The following ARRDC5 variants were observed in gnomAD, a reference collection of about 807,000 sequenced individuals.
ARRDC5 encodes the protein arrestin domain containing 5.
ARRDC5 carries 12 observed loss-of-function variants against 13.3 expected under a neutral mutation model. That is an observed-to-expected ratio of 0.90 (90% CI 0.58 to 1.46). ARRDC5 has a LOEUF of 1.46. Among genes scored for constraint, ARRDC5 ranks in the 40% most tolerant of loss-of-function variants. The pLI is 0.00. For missense variants in ARRDC5, 406 were observed against 418.7 expected, an observed-to-expected ratio of 0.97 and a Z score of 0.26; for synonymous variants, 181 against 173.4, an observed-to-expected ratio of 1.04 and a Z score of -0.34.
In ARRDC5 at chr19:4,890,887, AG is replaced by A; in HGVS notation, c.*158del. The A allele has an allele frequency of 1.6e-6, 1 of 624,280 alleles. No individual in the cohort carries two copies. The highest frequency in any genetic ancestry group is 2.8e-6 in the Non-Finnish European group (1 of 358,426). The allele number at this position is 624,280 out of a possible 1,614,324, so 38.7% of individuals were successfully genotyped here. ...ATTCCAGGCATTCAGTGATAGTTCT[AG>A]GGAGGGGAGACACAGATACCTAAAC... On this transcript the variant is annotated 3_prime_UTR_variant, in exon 3 of 3. Transcript: ENST00000650722.
chr19:4,909,304 C>A, the ARRDC5 span: 1 of 546,580 alleles, frequency 1.8e-6, no homozygotes, highest in Non-Finnish European at 3.2e-6. Flanking sequence ...GCTGGGCGCG[C>A]CCAGCAGAGC....
At chr19:4,907,987 C>T in the ARRDC5 span, among the ~76,000 whole-genome samples, 1 of 152,146 alleles carries the variant, frequency 6.6e-6, no homozygotes, top group Non-Finnish European at 1.5e-5. Flanking sequence ...GCTGGGATTA[C>T]AGGTGTGAGC....
chr19:4,898,680 T>TTTTTTTTTTTA (rs2031813144), intron 1 of ARRDC5, among the ~76,000 whole-genome samples: 2 of 144,144 alleles, frequency 1.4e-5, no homozygotes, highest in African/African-American at 2.5e-5. Flanking sequence ...TTTTTTTTTT[T>TTTTTTTTTTTA]GAGACAGGGT....
chr19:4,911,682 C>T, the ARRDC5 span, among the ~76,000 whole-genome samples: 3 of 152,156 alleles, frequency 2.0e-5, no homozygotes, highest in South Asian at 6.2e-4. Flanking sequence ...AAATGTCCCC[C>T]TTTGATTTCA....
the ARRDC5 span, among the ~76,000 whole-genome samples, chr19:4,914,406 T>G: frequency 6.6e-6 from 1 of 152,070 alleles, no homozygotes; most frequent in Non-Finnish European, 1.5e-5. Context: ...TCTTTTTTTT[T>G]CCCTGTTTAA....
chr19:4,902,792 GCAGCA>G lies in ARRDC5; in HGVS notation c.29_33del (p.Val10AlafsTer4). On this transcript the variant is annotated frameshift_variant, in exon 1 of 3. Coordinates refer to ENST00000650722, the MANE Select transcript of ARRDC5 (RefSeq NM_001080523.3). LOFTEE classifies it high-confidence loss of function. ...CCAGCCAGGTAGATTCTATCCTCGG[GCAGCA>G]CTAATTCGATCGACTTCACCACAGA... 6.2e-7 allele frequency: 1 copy of G among 1,613,912 alleles called. No homozygotes were observed. Among genetic ancestry groups the G allele is most frequent in the Non-Finnish European group, 8.5e-7 (1 of 1,179,876 alleles).
At chr19:4,909,532 G>A in the ARRDC5 span, 1 of 659,308 alleles carries the variant, frequency 1.5e-6, no homozygotes, top group Non-Finnish European at 2.7e-6. Context: ...GGCAGCGTTT[G>A]CCGAGCGGGC....
the ARRDC5 span, among the ~76,000 whole-genome samples, chr19:4,914,848 A>G: frequency 1.1e-4 from 17 of 152,186 alleles, no homozygotes; most frequent in African/African-American, 3.9e-4. Flanking sequence ...TGCGAATTCA[A>G]TGAGGTTGTG....
At chr19:4,916,403 C>A in the ARRDC5 span, among the ~76,000 whole-genome samples, 2 of 152,006 alleles carry the variant, frequency 1.3e-5, no homozygotes, top group Non-Finnish European at 2.9e-5. Flanking sequence ...GCGGAGCCGT[C>A]CCTGGTGACG....
chr19:4,892,232 C>T (rs12973129), intron 2 of ARRDC5, among the ~76,000 whole-genome samples: 12,563 of 151,776 alleles, frequency 0.083, 645 homozygotes, highest in Middle Eastern at 0.19. Flanking sequence ...GGATTACAGG[C>T]GCACGCCACC....
At chr19:4,893,783 C>T (rs1417458670) in intron 2 of ARRDC5, among the ~76,000 whole-genome samples, 1 of 150,448 alleles carries the variant, frequency 6.6e-6, no homozygotes, top group African/African-American at 2.4e-5. Context: ...TGGCTCACCC[C>T]TGTAATCCCA....
chr19:4,891,186 T>C lies in ARRDC5; in HGVS notation c.847A>G (p.Thr283Ala), dbSNP rs763905311. 1.2e-6 allele frequency: 2 copies of C among 1,613,884 alleles called. No homozygotes were observed. The highest frequency in any genetic ancestry group is 1.7e-6 in the Non-Finnish European group (2 of 1,179,854). ...AGGGACCAGGGCAGGTGCACGGTGG[T>C]GACCAGCTCGTAGCGAGTGTGCATG... ...EIMHTRYELV[T>A]TVHLPWSLTS... Residue 283 changes from threonine to alanine, a missense_variant, in exon 3 of 3, where the codon ACC becomes GCC. Coordinates refer to ENST00000650722, the MANE Select transcript of ARRDC5 (RefSeq NM_001080523.3).
At chr19:4,915,582 G>A in the ARRDC5 span, among the ~76,000 whole-genome samples, 4 of 152,054 alleles carry the variant, frequency 2.6e-5, no homozygotes, top group East Asian at 1.9e-4. Context: ...ACGTGGTGGC[G>A]CATGTCTGTA....
At chr19:4,900,696 G>A (rs1306728208) in intron 1 of ARRDC5, among the ~76,000 whole-genome samples, 2 of 152,080 alleles carry the variant, frequency 1.3e-5, no homozygotes, top group African/African-American at 2.4e-5. Flanking sequence ...GTACTCCTCT[G>A]GTGGAACAGA....
chr19:4,904,454 C>T (rs1366625822), upstream of ARRDC5, among the ~76,000 whole-genome samples: 4 of 152,188 alleles, frequency 2.6e-5, no homozygotes, highest in Admixed American at 6.6e-5. Context: ...GCTGGGATTA[C>T]AGGCGTGAGC....
chr19:4,896,863 A>C lies in ARRDC5; in HGVS notation c.267T>G (p.Ser89Arg), dbSNP rs767180337. Residue 89 changes from serine to arginine, a missense_variant, in exon 2 of 3, where the codon AGT (serine) becomes AGG (arginine). Coordinates refer to ENST00000650722, the MANE Select transcript of ARRDC5 (RefSeq NM_001080523.3). ...GGAAGTCAAAGGTGTGGCTGCCTGC[A>C]CTTAACCAATTATCTGAAAGCAAAA... ...KTFPVEDNWL[S>R]AGSHTFDFHF... 2 of 1,613,624 alleles carry C rather than the reference A, an allele frequency of 1.2e-6. No individual in the cohort carries two copies. The highest frequency in any genetic ancestry group is 3.3e-5 in the Admixed American group (2 of 59,988).
At chr19:4,901,956 A>C (rs541344384) in intron 1 of ARRDC5, among the ~76,000 whole-genome samples, 12 of 152,074 alleles carry the variant, frequency 7.9e-5, no homozygotes, top group African/African-American at 2.7e-4. Flanking sequence ...GTGCGATCTC[A>C]GCTTACTGGA....
upstream of ARRDC5, among the ~76,000 whole-genome samples, chr19:4,907,258 CA>C (rs1228011619): frequency 2.0e-5 from 3 of 151,824 alleles, no homozygotes; most frequent in East Asian, 5.8e-4. Context: ...TATAGGCACA[CA>C]CCACCCTGCC....
intron 1 of ARRDC5, among the ~76,000 whole-genome samples, chr19:4,899,764 C>CT (rs1424989852): frequency 0.013 from 851 of 67,980 alleles, 6 homozygotes; most frequent in African/African-American, 0.026. Context: ...CCCGTCTCTA[C>CT]AAAAAAAAAA....
Sources: gnomAD v4.1 joint callset for allele counts (sites outside exome capture counted in the v4.1 genomes callset) on GRCh38, gnomAD v4.1.1 for gene constraint, MANE v1.5 for transcripts, NCBI Gene and HGNC (gene_info 2026-07-23, HGNC 2026-07-21) for gene names.